The following WAS variants were observed in gnomAD, a reference collection of about 807,000 sequenced individuals.
WAS encodes the protein actin nucleation-promoting factor WAS.
WAS carries 1 observed loss-of-function variant against 38.9 expected under a neutral mutation model. That is an observed-to-expected ratio of 0.03 (90% CI 0.01 to 0.12). The LOEUF (loss-of-function observed/expected upper bound fraction) is 0.12, where lower values mean the gene tolerates loss of function less well. WAS is among the 10% of genes least tolerant of loss of function. WAS has a pLI of 1.00. For missense variants in WAS, 311 were observed against 431.2 expected, an observed-to-expected ratio of 0.72 and a Z score of 2.47; for synonymous variants, 182 against 173.6, an observed-to-expected ratio of 1.05 and a Z score of -0.38.
At chrX:48,688,526 C>T (rs1557007074) in intron 9 of WAS, 73 bp downstream of exon 9, 1 of 1,197,146 alleles carries the variant, frequency 8.4e-7, no homozygotes, top group African/African-American at 1.8e-5. Context: ...CTAAGTCACT[C>T]AGTCCTTATG....
At chrX:48,686,172 G>C (rs782789778) in intron 6 of WAS, 38 bp downstream of exon 6, 1 of 1,198,827 alleles carries the variant, frequency 8.3e-7, no homozygotes, top group Non-Finnish European at 1.1e-6. Context: ...TGGATGGATG[G>C]GTAAGAGTGG....
intron 11 of WAS, 108 bp from the exon 12 acceptor site, chrX:48,690,999 T>C: frequency 1.5e-6 from 1 of 684,486 alleles, no homozygotes; most frequent in South Asian, 2.3e-5. Flanking sequence ...TAACTTGCCC[T>C]CCTCTAGCAT....
intron 2 of WAS, 116 bp from the exon 3 acceptor site, chrX:48,685,431 A>G: frequency 1.8e-6 from 1 of 564,212 alleles, no homozygotes; most frequent in Middle Eastern, 5.0e-4. Context: ...GAAAATCTCC[A>G]AACCAGACTA....
At chrX:48,677,317 TGAGG>T (rs1693710473) in intron 1 of WAS, among the ~76,000 whole-genome samples, 1 of 110,314 alleles carries the variant, frequency 9.1e-6, no homozygotes, top group Non-Finnish European at 1.9e-5. Context: ...CCTGGAAGCC[TGAGG>T]GAGGAAGGTG....
At chrX:48,686,749 T>C (rs2062421282) in intron 6 of WAS, 32 bp from the exon 7 acceptor site, 1 of 1,206,983 alleles carries the variant, frequency 8.3e-7, no homozygotes, top group African/African-American at 1.8e-5. Flanking sequence ...GGTAAGTGGG[T>C]CAATGAGCCA....
chrX:48,689,189 G>A (rs903880413), intron 10 of WAS, 123 bp downstream of exon 10: 1 of 954,853 alleles, frequency 1.0e-6, no homozygotes, highest in Non-Finnish European at 1.5e-6. Context: ...TTCAGTGATA[G>A]GGTTGAAAGG....
chrX:48,689,242 A>C, intron 10 of WAS, 78 bp from the exon 11 acceptor site: 1 of 1,004,801 alleles, frequency 1.0e-6, no homozygotes, highest in Non-Finnish European at 1.4e-6. Context: ...GTGGGAGAGA[A>C]AATATTGATG....
rs1286831963 is a variant in WAS at position 48,688,798 on chromosome X, G to A, written c.1070G>A (p.Arg357Gln). 1.2e-5 allele frequency: 11 copies of A among 919,154 alleles called. No individual in the cohort carries two copies. Among genetic ancestry groups the A allele is most frequent in the East Asian group, 3.9e-5 (1 of 25,519 alleles). The allele number at this position is 919,154 out of a possible 1,213,427, so 75.7% of individuals were successfully genotyped here. A position where few individuals can be genotyped will look rare whatever the true frequency, so the allele number is the denominator to read the frequency against. The change falls in exon 10 of 12, where the codon CGG (arginine) becomes CAG (glutamine). Residue 357 changes from arginine (R) to glutamine (Q), a missense_variant. Coordinates refer to ENST00000376701, the MANE Select transcript of WAS (RefSeq NM_000377.3). The stretch of plus-strand genomic sequence containing the variant: ...ATTGCCCCACCCCCACCAACACCCC[G>A]GGGACCCCCACCCCCAGGCCGAGGG... Reference protein sequence around the residue: ...LGIAPPPPTPRGPPPPGRGGP... With the variant: ...LGIAPPPPTPQGPPPPGRGGP...
intron 1 of WAS, among the ~76,000 whole-genome samples, chrX:48,678,258 C>T (rs191228362): frequency 1.6e-3 from 179 of 111,518 alleles, no homozygotes; most frequent in Non-Finnish European, 2.8e-3. Flanking sequence ...GAAGATAGTA[C>T]GGTGAGGGGA....
In WAS at chrX:48,688,651, C is replaced by A; in HGVS notation, c.932-9C>A. The A allele has an allele frequency of 8.3e-7, 1 of 1,208,657 alleles. No individual in the cohort carries two copies. ...AGAGTTACAGCTATGTGTTATACCCCCTCCACAGAGCCACTTCCGCCGCCC... is the reference window on the plus strand; with the variant it reads ...AGAGTTACAGCTATGTGTTATACCCACTCCACAGAGCCACTTCCGCCGCCC... On this transcript the variant is annotated splice_polypyrimidine_tract_variant and intron_variant, in intron 9 of 11. Coordinates refer to ENST00000376701, the MANE Select transcript of WAS (RefSeq NM_000377.3).
chrX:48,687,966 T>C, intron 7 of WAS, 88 bp from the exon 8 acceptor site: 5 of 997,893 alleles, frequency 5.0e-6, no homozygotes, highest in African/African-American at 1.9e-5. Flanking sequence ...CAGAGTCTCT[T>C]TGGGCAGGAG....
chrX:48,684,038 C>G (rs2062411301), intron 1 of WAS, 53 bp downstream of exon 1: 1 of 1,188,551 alleles, frequency 8.4e-7, no homozygotes, highest in African/African-American at 1.8e-5. Flanking sequence ...CTTCCTCTTC[C>G]TCTCCTCCTT....
At chrX:48,683,135 A>G (rs1557006083), upstream of WAS, 2 of 110,719 alleles carry the variant, frequency 1.8e-5, no homozygotes, top group Admixed American at 1.9e-4. Flanking sequence ...TCCAGGCTGG[A>G]GTGCAGTGGT....
exon 1 of WAS, chrX:48,676,642 G>A (rs2062391505): frequency 8.8e-6 from 1 of 113,321 alleles, no homozygotes; most frequent in Admixed American, 9.2e-5. Context: ...GGGCAGGAGA[G>A]AGGCCAACGG....
At chrX:48,690,577 AT>A (rs11357627) in intron 11 of WAS, among the ~76,000 whole-genome samples, 14 of 105,812 alleles carry the variant, frequency 1.3e-4, no homozygotes, top group Non-Finnish European at 1.6e-4. Flanking sequence ...TTCGACAATG[AT>A]TTTTTTTTTC....
intron 11 of WAS, among the ~76,000 whole-genome samples, chrX:48,690,505 A>G (rs1557007618): frequency 8.9e-6 from 1 of 112,186 alleles, no homozygotes. Flanking sequence ...TGTCAGCAAT[A>G]CTGTCACTAA....
In WAS at chrX:48,684,548, C is replaced by G. The variant is rs1422325910; in HGVS notation, c.273+125C>G. 7 of 921,257 alleles carry G rather than the reference C, an allele frequency of 7.6e-6. No individual in the cohort carries two copies. The South Asian group carries it at 1.2e-4, about 15-fold the overall frequency. The allele number at this position is 921,257 out of a possible 1,213,427, so 75.9% of individuals were successfully genotyped here. A position where few individuals can be genotyped will look rare whatever the true frequency, so the allele number is the denominator to read the frequency against. On this transcript the variant is annotated intron_variant, in intron 2 of 11. Transcript: ENST00000376701. ...ATCAGTGAATCCCTGAGCCCCAGAA[C>G]CAAAGACTCATCCAGATGGCAAACT...
chrX:48,677,775 A>G (rs1557005392), intron 1 of WAS, among the ~76,000 whole-genome samples: 1 of 111,807 alleles, frequency 8.9e-6, no homozygotes, highest in Non-Finnish European at 1.9e-5. Flanking sequence ...TGTGCAAGGG[A>G]GCTGGCCCCT....
At position 48,685,684 on chromosome X, in the gene WAS, G is replaced by A. The variant is rs191967655; in HGVS notation, c.361-50G>A. On this transcript the variant is annotated intron_variant, in intron 3 of 11. Coordinates refer to ENST00000376701, the MANE Select transcript of WAS (RefSeq NM_000377.3). ...CTCACTTGGGGTGTGGAGAGGAGAT[G>A]GGAAAGTTGCGGGGGACCTGGGAGG... 2.6e-6 allele frequency: 3 copies of A among 1,170,331 alleles called. No homozygotes were observed. The East Asian group carries it at 9.7e-5, about 38-fold the overall frequency.
Sources: allele counts gnomAD v4.1 joint callset (sites outside exome capture counted in the v4.1 genomes callset), GRCh38; gene constraint gnomAD v4.1.1; transcripts MANE v1.5; gene names NCBI Gene and HGNC (gene_info 2026-07-23, HGNC 2026-07-21).